Variants in PDE3B observed in about 807,000 individuals in gnomAD.
PDE3B encodes the protein phosphodiesterase 3B.
PDE3B carries 66 observed loss-of-function variants against 116.8 expected under a neutral mutation model. The ratio of observed to expected loss-of-function variants is 0.56; its 90% CI spans 0.46 to 0.69. The LOEUF (loss-of-function observed/expected upper bound fraction) is 0.69, where lower values mean the gene tolerates loss of function less well. PDE3B is among the 30% of genes least tolerant of loss of function. PDE3B has a pLI of 0.00. For missense variants in PDE3B, 1,384 were observed against 1,368.1 expected, an observed-to-expected ratio of 1.01 and a Z score of -0.18; for synonymous variants, 595 against 533.6, an observed-to-expected ratio of 1.12 and a Z score of -1.59.
chr11:14,735,958 T>TTGTGTGTGTGTGTG (rs59099319), intron 1 of PDE3B, among the ~76,000 whole-genome samples: 147 of 143,022 alleles, frequency 1.0e-3, no homozygotes, highest in East Asian at 4.1e-3. Context: ...GAATAATAGG[T>TTGTGTGTGTGTGTG]TGTGTGTGTG....
At chr11:14,861,853 C>T (rs1019190912) in intron 14 of PDE3B, among the ~76,000 whole-genome samples, 3 of 152,182 alleles carry the variant, frequency 2.0e-5, no homozygotes, top group Admixed American at 6.5e-5. Context: ...GACTTGGAGT[C>T]TTATACATTG....
Position 14,864,783 on chromosome 11 carries a change from T to C in PDE3B, c.2887-2723T>C, listed in dbSNP as rs543768588. Among the ~76,000 whole-genome samples the C allele has an allele frequency of 2.0e-5, 3 of 151,856 alleles. No individual in the cohort carries two copies. The South Asian group carries it at 6.2e-4, about 32-fold the overall frequency. ...ATGACTACCAGGTAAATAATGAAAT[T>C]AAGGCAGAAATAAATAGACACAATG... is the stretch of plus-strand genomic sequence containing the variant. On this transcript the variant is annotated intron_variant, in intron 14 of 15. Coordinates refer to ENST00000282096, the MANE Select transcript of PDE3B (RefSeq NM_000922.4).
chr11:14,781,798 G>T (rs573627410), intron 2 of PDE3B, among the ~76,000 whole-genome samples: 2 of 152,270 alleles, frequency 1.3e-5, no homozygotes, highest in East Asian at 1.9e-4. Flanking sequence ...CATAGTGTTG[G>T]AAGTTCTGGT....
intron 1 of PDE3B, among the ~76,000 whole-genome samples, chr11:14,741,950 G>A (rs1044250508): frequency 1.1e-4 from 17 of 152,032 alleles, no homozygotes; most frequent in African/African-American, 3.9e-4. Context: ...AGTTTCTGCC[G>A]AGAGATCCGC....
intron 6 of PDE3B, 65 bp from the exon 7 acceptor site, chr11:14,819,071 A>C (rs892915531): frequency 6.5e-6 from 6 of 926,738 alleles, no homozygotes; most frequent in Admixed American, 3.8e-5. Flanking sequence ...AGATTTTCTA[A>C]TTGTGTTCAG....
intron 1 of PDE3B, among the ~76,000 whole-genome samples, chr11:14,722,404 T>A (rs1045489260): frequency 7.9e-5 from 12 of 151,340 alleles, no homozygotes; most frequent in Non-Finnish European, 1.3e-4. Flanking sequence ...GTAAAAAAAA[T>A]AAATCCAATA....
At chr11:14,734,996 G>A (rs771661546) in intron 1 of PDE3B, among the ~76,000 whole-genome samples, 1 of 151,856 alleles carries the variant, frequency 6.6e-6, no homozygotes, top group Non-Finnish European at 1.5e-5. Flanking sequence ...CATTGCATGC[G>A]GTTATGTCTC....
chr11:14,778,834 G>T (rs1857875612), intron 2 of PDE3B, among the ~76,000 whole-genome samples: 1 of 152,210 alleles, frequency 6.6e-6, no homozygotes, highest in Non-Finnish European at 1.5e-5. Context: ...GACGAGTTGA[G>T]AGAAGAAGGC....
intron 1 of PDE3B, among the ~76,000 whole-genome samples, chr11:14,691,448 G>C (rs929483009): frequency 6.6e-6 from 1 of 152,094 alleles, no homozygotes; most frequent in Non-Finnish European, 1.5e-5. Flanking sequence ...TATTTTGCTA[G>C]TAAGTTATGT....
rs575325460 is a variant in PDE3B at position 14,653,880 on chromosome 11, C to T, written c.978+8827C>T. Among the ~76,000 whole-genome samples, 19 of 152,092 alleles carry T rather than the reference C, an allele frequency of 1.2e-4. No individual in the cohort carries two copies. The South Asian group carries it at 1.2e-3, about 10-fold the overall frequency. ...AGGCATGGTGGCGAATGCCTATAGT[C>T]GCAGCTACCTGGGAGGCTAATGTGG... On this transcript the variant is annotated intron_variant, in intron 1 of 15. Transcript: ENST00000282096.
At chr11:14,877,747 GA>G in the PDE3B span, 1 of 195,490 alleles carries the variant, frequency 5.1e-6, no homozygotes, top group Non-Finnish European at 1.0e-5. Context: ...TACCTGATCA[GA>G]AGGGAGCTGG....
At chr11:14,673,461 A>G (rs1854434288) in intron 1 of PDE3B, 2 of 275,178 alleles carry the variant, frequency 7.3e-6, no homozygotes, top group African/African-American at 2.2e-5. Flanking sequence ...TTAAAACAAA[A>G]CAGAAAAAAA....
intron 10 of PDE3B, among the ~76,000 whole-genome samples, 158 bp downstream of exon 10, chr11:14,832,991 T>C (rs908738511): frequency 2.0e-5 from 3 of 151,912 alleles, no homozygotes; most frequent in African/African-American, 7.3e-5. Flanking sequence ...GATCTTGTCG[T>C]CCAGGCTGGA....
intron 1 of PDE3B, among the ~76,000 whole-genome samples, chr11:14,667,689 G>C (rs1330818658): frequency 2.0e-5 from 3 of 151,386 alleles, no homozygotes; most frequent in Non-Finnish European, 2.9e-5. Context: ...GGACTGTTGT[G>C]GGGTTGGGGG....
intron 1 of PDE3B, among the ~76,000 whole-genome samples, chr11:14,729,254 C>T (rs1856394154): frequency 6.6e-6 from 1 of 152,156 alleles, no homozygotes. Context: ...TTAGGAATTC[C>T]AGATAAAATG....
chr11:14,860,839 T>C (rs1443759873), intron 13 of PDE3B, among the ~76,000 whole-genome samples: 1 of 152,068 alleles, frequency 6.6e-6, no homozygotes, highest in African/African-American at 2.4e-5. Context: ...TTTTTTGAGG[T>C]AGAAATAAGT....
At chr11:14,770,905 C>T (rs1183735848) in intron 1 of PDE3B, among the ~76,000 whole-genome samples, 1 of 151,592 alleles carries the variant, frequency 6.6e-6, no homozygotes, top group Non-Finnish European at 1.5e-5. Flanking sequence ...CCAAATGCTG[C>T]CAGCAGACTG....
intron 5 of PDE3B, among the ~76,000 whole-genome samples, chr11:14,810,158 A>T (rs1034344335): frequency 5.3e-5 from 8 of 150,248 alleles, no homozygotes; most frequent in African/African-American, 9.9e-5. Flanking sequence ...AGTTGATAAC[A>T]TTTTTTTTTC....
chr11:14,879,146 G>C, the PDE3B span: 12 of 1,612,958 alleles, frequency 7.4e-6, no homozygotes, highest in Admixed American at 6.7e-5. Context: ...TTCCTTCTTG[G>C]CAAAATATCC....
Sources: allele counts gnomAD v4.1 joint callset (sites outside exome capture counted in the v4.1 genomes callset), GRCh38; gene constraint gnomAD v4.1.1; transcripts MANE v1.5; gene names NCBI Gene and HGNC (gene_info 2026-07-23, HGNC 2026-07-21).